B4GALT6: variants seen among roughly 807,000 people sequenced by gnomAD.
The protein encoded by B4GALT6 is UDP-Gal:beta-GlcNAc beta-1,4-galactosyltransferase 6.
In B4GALT6, 14 loss-of-function variants were observed where a neutral mutation model predicts 46.3. That is an observed-to-expected ratio of 0.30 (90% CI 0.20 to 0.47). The LOEUF (loss-of-function observed/expected upper bound fraction) is 0.47. Among genes scored for constraint, B4GALT6 ranks in the 20% least tolerant of loss-of-function variants. The probability of loss-of-function intolerance (pLI) is 0.99; values close to 1 mark genes in which losing one functional copy is unlikely to be tolerated. For synonymous variants in B4GALT6, 168 were observed against 162.0 expected, an observed-to-expected ratio of 1.04 and a Z score of -0.28; for missense variants, 386 against 480.1, an observed-to-expected ratio of 0.80 and a Z score of 1.83.
At chr18:31,651,855 C>A (rs2074072875) in intron 3 of B4GALT6, among the ~76,000 whole-genome samples, 1 of 152,144 alleles carries the variant, frequency 6.6e-6, no homozygotes, top group Non-Finnish European at 1.5e-5. Flanking sequence ...ACTGCCAGCT[C>A]CACCTCCTGG....
At chr18:31,629,021 T>C (rs2073740163) in intron 6 of B4GALT6, among the ~76,000 whole-genome samples, 1 of 152,202 alleles carries the variant, frequency 6.6e-6, no homozygotes, top group South Asian at 2.1e-4. Flanking sequence ...GTGAGGACGA[T>C]GAGGATGAAG....
chr18:31,702,821 T>G, the B4GALT6 span, among the ~76,000 whole-genome samples: 4 of 152,154 alleles, frequency 2.6e-5, no homozygotes. Context: ...AGCCTGAGGA[T>G]GTATCCAAGG....
At chr18:31,633,112 G>A (rs1361321607) in intron 5 of B4GALT6, among the ~76,000 whole-genome samples, 1 of 152,082 alleles carries the variant, frequency 6.6e-6, no homozygotes, top group African/African-American at 2.4e-5. Context: ...TGTCAATTTG[G>A]CTGGGTAAAA....
rs2073664590 is a variant in B4GALT6, at chr18:31,624,703, G to A, written c.*911C>T. On this transcript the variant is annotated 3_prime_UTR_variant, in exon 9 of 9. Coordinates refer to ENST00000306851, the MANE Select transcript of B4GALT6 (RefSeq NM_004775.5). ...CTGAACTGGAAATAATAAAAGTGCT[G>A]TTCACCGTGAATTTAAAAAAAATAC... The A allele has an allele frequency of 6.6e-6, 1 of 151,680 alleles. No individual in the cohort carries two copies. Among genetic ancestry groups the A allele is most frequent in the Admixed American group, 6.6e-5 (1 of 15,204 alleles). The allele number at this position is 151,680 out of a possible 1,614,324, so 9.4% of individuals were successfully genotyped here. A position where few individuals can be genotyped will look rare whatever the true frequency, so the allele number is the denominator to read the frequency against.
At chr18:31,666,463 TAAACA>T in intron 1 of B4GALT6, 91 bp from the exon 2 acceptor site, 1 of 489,904 alleles carries the variant, frequency 2.0e-6, no homozygotes, top group Non-Finnish European at 3.5e-6. Context: ...AAGTGCCCAA[TAAACA>T]TAAACTGACT....
intron 5 of B4GALT6, among the ~76,000 whole-genome samples, chr18:31,635,832 T>A (rs1347065399): frequency 1.3e-5 from 2 of 152,130 alleles, no homozygotes; most frequent in Non-Finnish European, 2.9e-5. Flanking sequence ...AAAAACTTTT[T>A]TGAGTATTTT....
intron 3 of B4GALT6, among the ~76,000 whole-genome samples, chr18:31,647,682 T>A (rs561749722): frequency 1.3e-5 from 2 of 151,992 alleles, no homozygotes; most frequent in East Asian, 3.9e-4. Flanking sequence ...ACAGCGAAAG[T>A]GTGATCAGAG....
intron 4 of B4GALT6, among the ~76,000 whole-genome samples, chr18:31,640,128 CCT>C (rs1013727337): frequency 3.2e-4 from 48 of 152,100 alleles, no homozygotes; most frequent in African/African-American, 1.1e-3. Flanking sequence ...AACCAAAATA[CCT>C]CTGTGTTACT....
intron 3 of B4GALT6, among the ~76,000 whole-genome samples, chr18:31,651,145 C>T (rs2074061729): frequency 6.6e-6 from 1 of 152,120 alleles, no homozygotes; most frequent in Non-Finnish European, 1.5e-5. Flanking sequence ...CACCCGATCA[C>T]AGCACCTACA....
chr18:31,672,266 T>C (rs779093172), intron 1 of B4GALT6, among the ~76,000 whole-genome samples: 15 of 152,174 alleles, frequency 9.9e-5, no homozygotes, highest in Non-Finnish European at 2.1e-4. Context: ...AGTGAATAAA[T>C]GATTTTGAGA....
Position 31,684,336 on chromosome 18 carries a change from A to G in B4GALT6, c.91T>C (p.Phe31Leu). Residue 31 changes from phenylalanine (F) to leucine (L), a missense_variant, in exon 1 of 9, where the codon TTC becomes CTC. This residue lies in a region of B4GALT6 where 63 missense variants were observed against 41.3 expected (regional missense o/e 1.53). Transcript: ENST00000306851. ...FFSLSSSCLY[F>L]IYVAPGIANT... ...CCGATGCCTGGGGCCACATAGATGA[A>G]GTACAGACAGGACGAAGAGAGGGAG... 1 of 1,613,590 alleles carries G rather than the reference A, an allele frequency of 6.2e-7. No individual in the cohort carries two copies. The highest frequency in any genetic ancestry group is 8.5e-7 in the Non-Finnish European group (1 of 1,179,784).
intron 3 of B4GALT6, among the ~76,000 whole-genome samples, chr18:31,655,529 C>A (rs1011857124): frequency 6.6e-6 from 1 of 152,166 alleles, no homozygotes; most frequent in African/African-American, 2.4e-5. Context: ...TCAGGCACCA[C>A]AAGAGATGGT....
chr18:31,662,042 T>TA (rs1298057537), intron 2 of B4GALT6, among the ~76,000 whole-genome samples: 1 of 152,206 alleles, frequency 6.6e-6, no homozygotes, highest in African/African-American at 2.4e-5. Context: ...AACAAACTAT[T>TA]AACTCCTTCT....
intron 3 of B4GALT6, among the ~76,000 whole-genome samples, chr18:31,650,927 C>T (rs1213129865): frequency 1.3e-5 from 2 of 152,136 alleles, no homozygotes; most frequent in Non-Finnish European, 1.5e-5. Context: ...CCATCATACC[C>T]GGCTAATTTT....
At chr18:31,629,000 GC>G (rs1461290569) in intron 6 of B4GALT6, among the ~76,000 whole-genome samples, 6 of 152,026 alleles carry the variant, frequency 3.9e-5, no homozygotes, top group African/African-American at 1.5e-4. Flanking sequence ...CTCTTCCTTA[GC>G]CTACTCCACG....
intron 1 of B4GALT6, among the ~76,000 whole-genome samples, chr18:31,669,398 TAA>T (rs1369327497): frequency 6.6e-6 from 1 of 152,252 alleles, no homozygotes; most frequent in Non-Finnish European, 1.5e-5. Context: ...TTTATTTTTA[TAA>T]GACTTGTCAT....
intron 1 of B4GALT6, among the ~76,000 whole-genome samples, chr18:31,666,733 T>A (rs1481251590): frequency 6.6e-6 from 1 of 152,156 alleles, no homozygotes; most frequent in Non-Finnish European, 1.5e-5. Flanking sequence ...GTTACAAAAT[T>A]CAGTTTCTCT....
At position 31,627,103 on chromosome 18, in the gene B4GALT6, A is replaced by C; in HGVS notation, c.795T>G (p.Phe265Leu). The change falls in exon 7 of 9, where the codon TTT becomes TTG. Residue 265 changes from phenylalanine (F) to leucine (L), a missense_variant. By Grantham distance (22) the Phe-to-Leu change is conservative. Transcript: ENST00000306851. ...CTGTCAGCCCACTTACACCACCAAAAAATTCTTTATATGGAAGACTAGAAA... is the reference window on the plus strand; with the variant it reads ...CTGTCAGCCCACTTACACCACCAAACAATTCTTTATATGGAAGACTAGAAA... ...KYMYILPYKE[F>L]FGGVSGLTVE... 6.2e-7 allele frequency: 1 copy of C among 1,604,210 alleles called. No individual in the cohort carries two copies. The highest frequency in any genetic ancestry group is 8.5e-7 in the Non-Finnish European group (1 of 1,176,558).
chr18:31,684,298 G>T lies in B4GALT6; in HGVS notation c.115+14C>A. 4.3e-6 allele frequency: 7 copies of T among 1,613,024 alleles called. No homozygotes were observed. Among genetic ancestry groups the T allele is most frequent in the Non-Finnish European group, 5.9e-6 (7 of 1,179,460 alleles). On this transcript the variant is annotated intron_variant, in intron 1 of 8. Coordinates refer to ENST00000306851, the MANE Select transcript of B4GALT6 (RefSeq NM_004775.5). ...GTGTGACCAGGGGAAGCGAGGGTGTGTCTCGGTGCTTACCGATGCCTGGGG... is the reference window on the plus strand; with the variant it reads ...GTGTGACCAGGGGAAGCGAGGGTGTTTCTCGGTGCTTACCGATGCCTGGGG...
Sources: allele counts gnomAD v4.1 joint callset (sites outside exome capture counted in the v4.1 genomes callset), GRCh38; gene constraint gnomAD v4.1.1; regional missense constraint gnomAD v4.1.1; transcripts MANE v1.5; gene names NCBI Gene and HGNC (gene_info 2026-07-23, HGNC 2026-07-21).